The following INPP4B variants were observed in gnomAD, a reference collection of about 807,000 sequenced individuals.
INPP4B encodes the protein inositol polyphosphate-4-phosphatase type II B.
A neutral mutation model predicts 122.5 loss-of-function variants in INPP4B; 55 were observed. That is an observed-to-expected ratio of 0.45 (90% CI 0.36 to 0.56). The LOEUF (loss-of-function observed/expected upper bound fraction) is 0.56, where lower values mean the gene tolerates loss of function less well. Ranked by LOEUF, INPP4B falls within the 20% of genes least tolerant of loss-of-function variation. The pLI, the probability that INPP4B is intolerant of heterozygous loss-of-function variation, is 0.00. For missense variants in INPP4B, 1,000 were observed against 1,097.7 expected (o/e 0.91, Z 1.26); for synonymous variants, 403 against 388.7 (o/e 1.04, Z -0.43).
chr4:142,562,050 C>A (rs188283994), intron 2 of INPP4B, among the ~76,000 whole-genome samples: 1 of 151,534 alleles, frequency 6.6e-6, no homozygotes, highest in South Asian at 2.1e-4. Flanking sequence ...AGAGGAAAAG[C>A]GAAATTTTAT....
chr4:142,393,501 G>A (rs963109731), intron 7 of INPP4B, among the ~76,000 whole-genome samples: 11 of 152,156 alleles, frequency 7.2e-5, no homozygotes, highest in African/African-American at 2.2e-4. Context: ...TACTGTTTCC[G>A]ATGGGTTTAC....
rs745800236 is a variant in INPP4B at position 142,112,599 on chromosome 4, T to C, written c.2219A>G (p.His740Arg). The change falls in exon 22 of 26, where the codon CAT (histidine) becomes CGT (arginine). Residue 740 changes from histidine to arginine, a missense_variant. His to Arg is a conservative substitution (Grantham distance 29). Coordinates refer to ENST00000262992, the MANE Select transcript of INPP4B (RefSeq NM_001101669.3). ...AACATTAAAAAGTACTGGATACACA[T>C]GAAGCAACTGTCCTTCTTTAATCTG... is the stretch of plus-strand genomic sequence containing the variant. ...PLQIKEGQLL[H>R]VYPVLFNVGI... 1 of 1,613,330 alleles carries C rather than the reference T, an allele frequency of 6.2e-7. No homozygotes were observed. Among genetic ancestry groups the C allele is most frequent in the Non-Finnish European group, 8.5e-7 (1 of 1,179,478 alleles).
intron 2 of INPP4B, among the ~76,000 whole-genome samples, chr4:142,624,301 C>A (rs1404111084): frequency 6.6e-6 from 1 of 151,632 alleles, no homozygotes; most frequent in Admixed American, 6.6e-5. Flanking sequence ...TTTTGATTTG[C>A]ATTTCTCTGA....
intron 7 of INPP4B, among the ~76,000 whole-genome samples, chr4:142,320,326 C>T (rs1348330182): frequency 2.0e-5 from 3 of 152,134 alleles, no homozygotes; most frequent in Admixed American, 6.6e-5. Context: ...ACAGTAAATG[C>T]TATCCTATCA....
intron 2 of INPP4B, among the ~76,000 whole-genome samples, chr4:142,648,152 G>C (rs145594807): frequency 8.4e-4 from 128 of 152,364 alleles, no homozygotes; most frequent in African/African-American, 2.8e-3. Flanking sequence ...CCACTGCAAG[G>C]CTATGAAACT....
chr4:142,350,294 A>G (rs534588583), intron 7 of INPP4B, among the ~76,000 whole-genome samples: 67 of 152,142 alleles, frequency 4.4e-4, no homozygotes, highest in African/African-American at 1.5e-3. Context: ...TTTCTCTTCA[A>G]TAATTGCTGT....
At chr4:142,072,548 T>G (rs1347005386) in intron 25 of INPP4B, among the ~76,000 whole-genome samples, 1 of 151,884 alleles carries the variant, frequency 6.6e-6, no homozygotes, top group Non-Finnish European at 1.5e-5. Context: ...GACTTTTTTT[T>G]TTTTTTTTAC....
chr4:142,119,321 A>T (rs994004552), intron 21 of INPP4B, among the ~76,000 whole-genome samples: 6 of 152,222 alleles, frequency 3.9e-5, no homozygotes, highest in Non-Finnish European at 7.3e-5. Context: ...ATTATAAAAC[A>T]TGCTGCTATA....
intron 2 of INPP4B, among the ~76,000 whole-genome samples, chr4:142,495,223 G>A (rs899562030): frequency 3.5e-5 from 5 of 144,658 alleles, no homozygotes; most frequent in African/African-American, 1.2e-4. Flanking sequence ...ATTTCCTTGG[G>A]ATTGATTCCC....
At chr4:142,766,551 A>G (rs574529926) in intron 1 of INPP4B, among the ~76,000 whole-genome samples, 78 of 152,062 alleles carry the variant, frequency 5.1e-4, no homozygotes, top group African/African-American at 1.8e-3. Flanking sequence ...TTGTATTTTC[A>G]GTAGAGACAG....
intron 15 of INPP4B, among the ~76,000 whole-genome samples, chr4:142,191,929 T>C (rs796536524): frequency 6.6e-5 from 10 of 152,242 alleles, no homozygotes; most frequent in African/African-American, 2.4e-4. Context: ...ATTTGTATAA[T>C]AGTAAGTCAA....
At chr4:142,653,373 G>A (rs909508321) in intron 2 of INPP4B, among the ~76,000 whole-genome samples, 1 of 152,156 alleles carries the variant, frequency 6.6e-6, no homozygotes, top group Admixed American at 6.5e-5. Flanking sequence ...ATTGACAAAT[G>A]GGATCTAATT....
intron 12 of INPP4B, among the ~76,000 whole-genome samples, chr4:142,221,824 A>G (rs1180189166): frequency 6.6e-6 from 1 of 152,238 alleles, no homozygotes; most frequent in Non-Finnish European, 1.5e-5. Flanking sequence ...TTTAATTTTT[A>G]AAAATTAAAA....
At chr4:142,832,231 C>T (rs1332627831) in intron 1 of INPP4B, among the ~76,000 whole-genome samples, 4 of 152,068 alleles carry the variant, frequency 2.6e-5, no homozygotes, top group African/African-American at 9.7e-5. Context: ...GTAAATGAAG[C>T]ATATTGGGTT....
At chr4:142,830,850 C>CAAAAAAA (rs70949194) in intron 1 of INPP4B, among the ~76,000 whole-genome samples, 2 of 91,482 alleles carry the variant, frequency 2.2e-5, no homozygotes, top group Non-Finnish European at 2.3e-5. Flanking sequence ...GCTGTCTCTA[C>CAAAAAAA]AAAAAAAAAA....
At chr4:142,684,504 A>T (rs931090878) in intron 2 of INPP4B, among the ~76,000 whole-genome samples, 25 of 151,854 alleles carry the variant, frequency 1.6e-4, no homozygotes, top group African/African-American at 6.0e-4. Context: ...TCTCCCCCAT[A>T]CCCACTCCCT....
intron 2 of INPP4B, among the ~76,000 whole-genome samples, chr4:142,512,453 A>G (rs1475065236): frequency 1.3e-5 from 2 of 152,220 alleles, no homozygotes; most frequent in African/African-American, 2.4e-5. Flanking sequence ...TCCAAATAAT[A>G]TAACATTTTC....
intron 2 of INPP4B, among the ~76,000 whole-genome samples, chr4:142,706,657 A>G (rs758911725): frequency 6.6e-6 from 1 of 152,254 alleles, no homozygotes; most frequent in Non-Finnish European, 1.5e-5. Flanking sequence ...GCATGCTTCA[A>G]AAATAAATCC....
intron 2 of INPP4B, among the ~76,000 whole-genome samples, chr4:142,635,662 C>G (rs1411105023): frequency 6.6e-6 from 1 of 152,002 alleles, no homozygotes; most frequent in South Asian, 2.1e-4. Context: ...ATGAGGAGAA[C>G]ACATAAACAC....
Sources: gnomAD v4.1 joint callset for allele counts (sites outside exome capture counted in the v4.1 genomes callset) on GRCh38, gnomAD v4.1.1 for gene constraint, MANE v1.5 for transcripts, NCBI Gene and HGNC (gene_info 2026-07-23, HGNC 2026-07-21) for gene names.